Variants in RABGAP1L observed in about 807,000 individuals in gnomAD.
The protein encoded by RABGAP1L is rab GTPase-activating protein 1-like.
Under a neutral mutation model 137.7 loss-of-function variants are expected in RABGAP1L, and 63 were observed. The observed-to-expected ratio is 0.46, with a 90% CI of 0.37 to 0.56. The LOEUF (loss-of-function observed/expected upper bound fraction) is 0.56. RABGAP1L is among the 20% of genes least tolerant of loss of function. The pLI, the probability that RABGAP1L is intolerant of heterozygous loss-of-function variation, is 0.00. For synonymous variants in RABGAP1L, 431 were observed against 433.7 expected (o/e 0.99, Z 0.08); for missense variants, 1,095 against 1,244.0 (o/e 0.88, Z 1.80).
At chr1:174,500,640 A>G (rs1263463633) in intron 13 of RABGAP1L, among the ~76,000 whole-genome samples, 1 of 152,210 alleles carries the variant, frequency 6.6e-6, no homozygotes, top group Non-Finnish European at 1.5e-5. Context: ...AACGAAAACA[A>G]AGGGATAGGA....
intron 1 of RABGAP1L, among the ~76,000 whole-genome samples, chr1:174,174,195 T>TACACACACAC (rs56864336): frequency 7.6e-5 from 11 of 145,566 alleles, no homozygotes; most frequent in Admixed American, 3.5e-4. Flanking sequence ...GGAAAAAAAA[T>TACACACACAC]ACACACACAC....
chr1:174,923,811 G>A (rs1662210488), intron 19 of RABGAP1L, among the ~76,000 whole-genome samples: 1 of 151,368 alleles, frequency 6.6e-6, no homozygotes, highest in Non-Finnish European at 1.5e-5. Flanking sequence ...AACCTGGGAG[G>A]TGGAGGTTGC....
intron 5 of RABGAP1L, chr1:174,246,461 A>G (rs1401759871): frequency 2.0e-5 from 3 of 152,128 alleles, no homozygotes; most frequent in Admixed American, 6.5e-5. Context: ...AGCCCACTAT[A>G]TTTGTGGATT....
intron 19 of RABGAP1L, among the ~76,000 whole-genome samples, chr1:174,823,258 C>G (rs1691227481): frequency 6.6e-6 from 1 of 152,038 alleles, no homozygotes; most frequent in Admixed American, 6.6e-5. Context: ...GTTTACCTTT[C>G]TGAAGTGTTT....
intron 17 of RABGAP1L, among the ~76,000 whole-genome samples, chr1:174,708,289 C>CA (rs1680200498): frequency 6.6e-6 from 1 of 152,128 alleles, no homozygotes; most frequent in Non-Finnish European, 1.5e-5. Flanking sequence ...TTCTCCCCCA[C>CA]AAAAAACTCA....
chr1:174,927,617 T>C (rs1663062889), intron 19 of RABGAP1L, among the ~76,000 whole-genome samples: 1 of 152,196 alleles, frequency 6.6e-6, no homozygotes, highest in African/African-American at 2.4e-5. Context: ...ACAGGTGTGA[T>C]CATAGTGCAC....
At chr1:174,773,076 A>T (rs1287485107) in intron 18 of RABGAP1L, among the ~76,000 whole-genome samples, 1 of 152,174 alleles carries the variant, frequency 6.6e-6, no homozygotes, top group Non-Finnish European at 1.5e-5. Flanking sequence ...ACTTGGTTAA[A>T]GTCATTCAGT....
intron 13 of RABGAP1L, among the ~76,000 whole-genome samples, chr1:174,508,006 G>A (rs1661989176): frequency 6.6e-6 from 1 of 152,006 alleles, no homozygotes; most frequent in Non-Finnish European, 1.5e-5. Context: ...AGCTTGTTCT[G>A]GTTGATTTTC....
chr1:174,483,251 A>T (rs952110249), intron 13 of RABGAP1L, among the ~76,000 whole-genome samples: 2 of 152,070 alleles, frequency 1.3e-5, no homozygotes, highest in Non-Finnish European at 2.9e-5. Flanking sequence ...TTTTGTACCC[A>T]TTAACCATCC....
chr1:174,907,193 A>G (rs979615776), intron 19 of RABGAP1L, among the ~76,000 whole-genome samples: 1 of 152,228 alleles, frequency 6.6e-6, no homozygotes, highest in African/African-American at 2.4e-5. Context: ...TAAGAGATAG[A>G]TAATGAAAAA....
intron 11 of RABGAP1L, among the ~76,000 whole-genome samples, chr1:174,328,898 T>G (rs1680779064): frequency 6.6e-6 from 1 of 151,248 alleles, no homozygotes. Context: ...AGAAGAAAGA[T>G]CTCAAATAAA....
intron 11 of RABGAP1L, among the ~76,000 whole-genome samples, chr1:174,345,166 C>A (rs1041760948): frequency 3.9e-5 from 6 of 152,070 alleles, no homozygotes; most frequent in Admixed American, 6.6e-5. Context: ...TTAATGCCAA[C>A]CCCATGCTGT....
rs1326543740 is a variant in RABGAP1L, at chr1:174,237,928, C to T, written c.543-3555C>T. 2.7e-5 allele frequency among the ~76,000 whole-genome samples: 4 copies of T among 150,746 alleles called. No homozygotes were observed. In the East Asian group the frequency reaches 7.8e-4, roughly 29 times the overall value. ...TACACCAATCAGACGTAGATTTGGT[C>T]TTTTCACGTAGTCCCATATTTCTTG... On this transcript the variant is annotated intron_variant, in intron 4 of 25. Coordinates refer to ENST00000681986, the MANE Select transcript of RABGAP1L (RefSeq NM_001366446.1).
At chr1:174,424,380 C>A (rs990319642) in intron 13 of RABGAP1L, among the ~76,000 whole-genome samples, 12 of 152,048 alleles carry the variant, frequency 7.9e-5, no homozygotes, top group Admixed American at 5.9e-4. Context: ...TAGTGAAATG[C>A]AGACTTTTAT....
chr1:174,509,825 C>A (rs1662165963), intron 13 of RABGAP1L, among the ~76,000 whole-genome samples: 1 of 152,214 alleles, frequency 6.6e-6, no homozygotes, highest in Non-Finnish European at 1.5e-5. Flanking sequence ...TACCTCAGTT[C>A]ATGACACCAT....
At chr1:174,705,381 A>G (rs1395464166) in intron 17 of RABGAP1L, 2 of 152,228 alleles carry the variant, frequency 1.3e-5, no homozygotes, top group Non-Finnish European at 2.9e-5. Context: ...TTTGTGCTAC[A>G]GAAAAGATAA....
At chr1:174,937,946 C>T (rs1483855023) in intron 19 of RABGAP1L, among the ~76,000 whole-genome samples, 3 of 149,272 alleles carry the variant, frequency 2.0e-5, no homozygotes, top group South Asian at 2.2e-4. Flanking sequence ...CTCCTGACCT[C>T]GTGATCTGCC....
At chr1:174,901,935 G>T (rs534908767) in intron 19 of RABGAP1L, among the ~76,000 whole-genome samples, 1 of 152,064 alleles carries the variant, frequency 6.6e-6, no homozygotes, top group East Asian at 1.9e-4. Context: ...TCTATCTATC[G>T]TAGGACTGCT....
intron 13 of RABGAP1L, chr1:174,545,496 A>G (rs945279725): frequency 1.8e-4 from 28 of 152,250 alleles, no homozygotes; most frequent in East Asian, 9.6e-4. Flanking sequence ...TCCAGGTACT[A>G]TCTGTCATGG....
Sources: gnomAD v4.1 joint callset for allele counts (sites outside exome capture counted in the v4.1 genomes callset) on GRCh38, gnomAD v4.1.1 for gene constraint, MANE v1.5 for transcripts, NCBI Gene and HGNC (gene_info 2026-07-23, HGNC 2026-07-21) for gene names.